ASTN2: variants seen among roughly 807,000 people sequenced by gnomAD.
The protein encoded by ASTN2 is astrotactin 2, also known as astrotactin-2.
A neutral mutation model predicts 139.8 loss-of-function variants in ASTN2; 54 were observed. The ratio of observed to expected loss-of-function variants is 0.39; its 90% confidence interval spans 0.31 to 0.48. ASTN2 has a LOEUF of 0.48. ASTN2 is among the 20% of genes least tolerant of loss of function. ASTN2 has a pLI of 0.95. For synonymous variants in ASTN2, 756 were observed against 719.5 expected (o/e 1.05, Z -0.81); for missense variants, 1,565 against 1,725.1 (o/e 0.91, Z 1.64).
intron 11 of ASTN2, among the ~76,000 whole-genome samples, chr9:116,836,336 G>A (rs1056320463): frequency 5.9e-5 from 9 of 151,928 alleles, no homozygotes; most frequent in Admixed American, 5.2e-4. Flanking sequence ...GGGGTGGAAG[G>A]CCATGCTCTT....
chr9:116,747,473 T>A (rs1829274888), intron 13 of ASTN2, among the ~76,000 whole-genome samples: 1 of 152,150 alleles, frequency 6.6e-6, no homozygotes, highest in Non-Finnish European at 1.5e-5. Context: ...GCAGGCTTTG[T>A]TTCCAACCCT....
chr9:117,244,183 T>A (rs1378737571), intron 2 of ASTN2, among the ~76,000 whole-genome samples: 1 of 152,166 alleles, frequency 6.6e-6, no homozygotes, highest in Non-Finnish European at 1.5e-5. Flanking sequence ...GCCTCCCCAG[T>A]CATGCAGAAT....
At chr9:117,151,897 G>T (rs1830333758) in intron 3 of ASTN2, among the ~76,000 whole-genome samples, 3 of 152,188 alleles carry the variant, frequency 2.0e-5, no homozygotes, top group African/African-American at 7.2e-5. Flanking sequence ...TAGCCCTACT[G>T]CCTGGCCCCA....
intron 11 of ASTN2, among the ~76,000 whole-genome samples, chr9:116,821,035 G>A (rs1831470990): frequency 6.6e-6 from 1 of 152,166 alleles, no homozygotes; most frequent in Admixed American, 6.5e-5. Flanking sequence ...GGGTGATAAT[G>A]TCAGCAAAGT....
At chr9:116,740,631 G>C in intron 13 of ASTN2, among the ~76,000 whole-genome samples, 1 of 151,776 alleles carries the variant, frequency 6.6e-6, no homozygotes, top group Admixed American at 6.6e-5. Context: ...TCCTGCCTCA[G>C]CCTCCCGAGT....
intron 5 of ASTN2, among the ~76,000 whole-genome samples, chr9:117,065,285 C>T (rs1827903055): frequency 6.6e-6 from 1 of 152,156 alleles, no homozygotes; most frequent in Non-Finnish European, 1.5e-5. Flanking sequence ...TTATTTTAAG[C>T]CACCAAGTTT....
In ASTN2 at chr9:116,508,500, G is replaced by A. The variant is rs1564328360; in HGVS notation, c.3356-21000C>T. Among the ~76,000 whole-genome samples the A allele has an allele frequency of 2.6e-5, 4 of 152,110 alleles. No individual in the cohort carries two copies. The South Asian group carries it at 6.2e-4, about 24-fold the overall frequency. The stretch of plus-strand genomic sequence containing the variant: ...TGTGAGTGTGAGTGTGTGTGTGTGT[G>A]TGTACTAGAGGCCTGCCATTTGGGA... On this transcript the variant is annotated intron_variant, in intron 19 of 22. Transcript: ENST00000313400.
chr9:116,549,486 G>T (rs895949415), intron 19 of ASTN2, among the ~76,000 whole-genome samples: 3 of 152,188 alleles, frequency 2.0e-5, no homozygotes, highest in Non-Finnish European at 4.4e-5. Context: ...CCCAGGCCCA[G>T]GGCTGGAGCC....
At chr9:116,566,072 T>C (rs1361822717) in intron 19 of ASTN2, among the ~76,000 whole-genome samples, 1 of 152,192 alleles carries the variant, frequency 6.6e-6, no homozygotes, top group Non-Finnish European at 1.5e-5. Flanking sequence ...ATGCCTCTGA[T>C]GGAAAGTCTG....
chr9:116,713,465 A>T (rs1025870636), intron 16 of ASTN2, among the ~76,000 whole-genome samples: 1 of 152,116 alleles, frequency 6.6e-6, no homozygotes, highest in Non-Finnish European at 1.5e-5. Context: ...CTCAGAGCCA[A>T]GGGGTTGCTA....
At chr9:117,034,223 C>A (rs996675327) in intron 6 of ASTN2, among the ~76,000 whole-genome samples, 2 of 152,162 alleles carry the variant, frequency 1.3e-5, no homozygotes, top group South Asian at 4.1e-4. Context: ...TGAATATATG[C>A]CCACTTACAT....
At chr9:116,697,004 A>T (rs10983306) in intron 16 of ASTN2, among the ~76,000 whole-genome samples, 26 of 151,194 alleles carry the variant, frequency 1.7e-4, no homozygotes, top group African/African-American at 5.8e-4. Flanking sequence ...TCTTTGCTTA[A>T]AGTACCTTTA....
At chr9:116,911,026 C>T (rs950747265) in intron 10 of ASTN2, among the ~76,000 whole-genome samples, 2 of 152,170 alleles carry the variant, frequency 1.3e-5, no homozygotes, top group African/African-American at 4.8e-5. Flanking sequence ...AATGGAAAGT[C>T]AGACCAAATG....
chr9:116,727,393 C>G (rs1056832161), intron 15 of ASTN2, among the ~76,000 whole-genome samples: 2 of 152,122 alleles, frequency 1.3e-5, no homozygotes, highest in African/African-American at 4.8e-5. Context: ...AAAGTGAGCT[C>G]CAATTTGCCA....
At chr9:117,325,092 C>CAG (rs754241294) in intron 1 of ASTN2, among the ~76,000 whole-genome samples, 1 of 152,084 alleles carries the variant, frequency 6.6e-6, no homozygotes, top group Admixed American at 6.6e-5. Context: ...GGGTTGATAA[C>CAG]AGAGAGTGGA....
chr9:117,140,748 ATGCTGGGT>A (rs1255480394), intron 4 of ASTN2, among the ~76,000 whole-genome samples: 1 of 152,126 alleles, frequency 6.6e-6, no homozygotes, highest in Non-Finnish European at 1.5e-5. Context: ...TTTTTAATAA[ATGCTGGGT>A]TAGGCACTGT....
At chr9:116,984,789 A>G (rs989364837) in intron 7 of ASTN2, among the ~76,000 whole-genome samples, 3 of 152,206 alleles carry the variant, frequency 2.0e-5, no homozygotes, top group Non-Finnish European at 4.4e-5. Context: ...TCTGGACCTC[A>G]GCCTTCCCAT....
At chr9:117,256,802 C>A (rs1182724465) in intron 2 of ASTN2, among the ~76,000 whole-genome samples, 3 of 152,146 alleles carry the variant, frequency 2.0e-5, no homozygotes, top group Admixed American at 6.5e-5. Context: ...TTTCATTCAA[C>A]AGCATATTTG....
intron 20 of ASTN2, among the ~76,000 whole-genome samples, chr9:116,462,423 A>T (rs1041968347): frequency 1.3e-5 from 2 of 152,196 alleles, no homozygotes; most frequent in Non-Finnish European, 2.9e-5. Flanking sequence ...GCCATGCTAC[A>T]TCTCAATTCT....
Sources: allele counts gnomAD v4.1 joint callset (sites outside exome capture counted in the v4.1 genomes callset), GRCh38; gene constraint gnomAD v4.1.1; transcripts MANE v1.5; gene names NCBI Gene and HGNC (gene_info 2026-07-23, HGNC 2026-07-21).